Variants in SNX8 observed in about 807,000 individuals in gnomAD.
SNX8 encodes the protein sorting nexin-8.
In SNX8, 25 loss-of-function variants were observed where a neutral mutation model predicts 51.6. That is an observed-to-expected ratio of 0.48 (90% CI 0.35 to 0.68). SNX8 has a LOEUF of 0.68. Ranked by LOEUF, SNX8 falls within the 30% of genes least tolerant of loss-of-function variation. The pLI is 0.00. For synonymous variants in SNX8, 324 were observed against 277.0 expected, an observed-to-expected ratio of 1.17 and a Z score of -1.68; for missense variants, 695 against 624.0, an observed-to-expected ratio of 1.11 and a Z score of -1.21.
At chr7:2,280,849 A>C (rs887114795) in intron 1 of SNX8, among the ~76,000 whole-genome samples, 1 of 150,730 alleles carries the variant, frequency 6.6e-6, no homozygotes, top group African/African-American at 2.4e-5. Flanking sequence ...CTGGAGTGCA[A>C]TGGCACAATC....
At chr7:2,264,822 G>T (rs1293547609) in intron 5 of SNX8, among the ~76,000 whole-genome samples, 1 of 151,456 alleles carries the variant, frequency 6.6e-6, no homozygotes, top group Non-Finnish European at 1.5e-5. Flanking sequence ...ATCACCTCAG[G>T]TCAGGAGTTC....
At chr7:2,330,320 TA>T (rs1778707660) in intron 1 of SNX8, among the ~76,000 whole-genome samples, 2 of 151,372 alleles carry the variant, frequency 1.3e-5, no homozygotes, top group Non-Finnish European at 2.9e-5. Context: ...GTATTTTTAG[TA>T]GAGACAGGGT....
At chr7:2,269,863 A>C (rs1584682211) in intron 4 of SNX8, among the ~76,000 whole-genome samples, 1 of 152,312 alleles carries the variant, frequency 6.6e-6, no homozygotes, top group South Asian at 2.1e-4. Flanking sequence ...ACAAACCTGC[A>C]GCCTCTCTCC....
At position 2,314,376 on chromosome 7, in the gene SNX8, C is replaced by T. The variant is rs1796718772; in HGVS notation, c.46G>A (p.Ala16Thr). 4.1e-6 allele frequency: 5 copies of T among 1,223,112 alleles called. No homozygotes were observed. Among genetic ancestry groups the T allele is most frequent in the Non-Finnish European group, 5.1e-6 (5 of 981,984 alleles). 75.8% of individuals were successfully genotyped at this position (1,223,112 alleles called of 1,614,324 possible). Reference sequence around the variant, plus strand: ...TCGTCAGCCTCCGCCTCAGCTGCCGCCCCGACTGCAGCCGCGGGCAGCGGG... The same window carrying T: ...TCGTCAGCCTCCGCCTCAGCTGCCGTCCCGACTGCAGCCGCGGGCAGCGGG... ...MDPLPAAAVG[A>T]AAEAEADEEA... The change falls in exon 1 of 11, where the codon GCG (alanine) becomes ACG (threonine). Residue 16 changes from alanine to threonine, a missense_variant. Coordinates refer to ENST00000222990, the MANE Select transcript of SNX8 (RefSeq NM_013321.4).
At chr7:2,354,479 C>T (rs769511741), upstream of SNX8, among the ~76,000 whole-genome samples, 1 of 152,280 alleles carries the variant, frequency 6.6e-6, no homozygotes, top group Admixed American at 6.5e-5. Flanking sequence ...AGGACATTTT[C>T]CTAGCATTCC....
chr7:2,286,317 C>T, intron 1 of SNX8, among the ~76,000 whole-genome samples: 1 of 151,370 alleles, frequency 6.6e-6, no homozygotes, highest in East Asian at 2.0e-4. Flanking sequence ...CAGCCTAGGT[C>T]GTATACTTTA....
Position 2,264,427 on chromosome 7 carries a change from A to T in SNX8, c.653T>A (p.Phe218Tyr). The change falls in exon 6 of 11, where the codon TTT becomes TAT. Residue 218 changes from phenylalanine (F) to tyrosine (Y), a missense_variant. Coordinates refer to ENST00000222990, the MANE Select transcript of SNX8 (RefSeq NM_013321.4). ...CCGGATCAGCTCCCGGCTGATGGCA[A>T]ACTGAGCCTGGATGTCAGCTGGGAG... Reference protein sequence around the residue: ...DFLPADIQAQFAISRELIRNI... With the variant: ...DFLPADIQAQYAISRELIRNI... The T allele has an allele frequency of 6.2e-7, 1 of 1,612,102 alleles. No individual in the cohort carries two copies. Among genetic ancestry groups the T allele is most frequent in the Non-Finnish European group, 8.5e-7 (1 of 1,179,946 alleles).
intron 1 of SNX8, chr7:2,299,582 G>A (rs1377871504): frequency 3.3e-5 from 5 of 152,144 alleles, no homozygotes; most frequent in African/African-American, 1.2e-4. Context: ...CAAATTGGGG[G>A]AATCTTGGAA....
Position 2,255,121 on chromosome 7 carries a change from CAA to C in SNX8, c.1331_1332del (p.Phe444CysfsTer46). Reference protein sequence around the residue: ...NDLRPKLSCLFAGPHSTLTPP... With the variant: ...NDLRPKLSCLXAGPHSTLTPP... ...GGGGTCAGGGTGCTGTGTGGTCCCGCAAAGAGGCAGCTGAGCTTGGGCCTCAG... is the reference window on the plus strand; with the variant it reads ...GGGGTCAGGGTGCTGTGTGGTCCCGCAGAGGCAGCTGAGCTTGGGCCTCAG... On this transcript the variant is annotated frameshift_variant, in exon 11 of 11. Transcript: ENST00000222990. LOFTEE classifies it high-confidence loss of function. 2 of 1,579,688 alleles carry C rather than the reference CAA, an allele frequency of 1.3e-6. No homozygotes were observed. Among genetic ancestry groups the C allele is most frequent in the Non-Finnish European group, 1.7e-6 (2 of 1,163,018 alleles).
intron 1 of SNX8, among the ~76,000 whole-genome samples, chr7:2,282,030 C>G (rs905707761): frequency 3.3e-5 from 5 of 152,218 alleles, no homozygotes; most frequent in African/African-American, 1.2e-4. Context: ...ATGCCGCTCA[C>G]TATCTGTGAG....
chr7:2,286,984 C>T (rs1045780396), intron 1 of SNX8, among the ~76,000 whole-genome samples: 1 of 150,946 alleles, frequency 6.6e-6, no homozygotes, highest in Non-Finnish European at 1.5e-5. Flanking sequence ...ACTAAACATA[C>T]AAAAATTAGC....
At chr7:2,257,082 C>T (rs1162152192) in intron 9 of SNX8, 59 bp from the exon 10 acceptor site, 2 of 1,524,510 alleles carry the variant, frequency 1.3e-6, no homozygotes, top group Non-Finnish European at 1.8e-6. Flanking sequence ...AGCACCAAGG[C>T]CCGAACACCA....
chr7:2,255,606 G>T (rs1366921010), intron 10 of SNX8, among the ~76,000 whole-genome samples: 2 of 152,202 alleles, frequency 1.3e-5, no homozygotes, highest in Non-Finnish European at 2.9e-5. Flanking sequence ...GGATGTGGTG[G>T]CACCTGCCTG....
At chr7:2,352,120 C>A (rs1185473585) in intron 1 of SNX8, among the ~76,000 whole-genome samples, 1 of 151,908 alleles carries the variant, frequency 6.6e-6, no homozygotes, top group Non-Finnish European at 1.5e-5. Flanking sequence ...GTTGTTCAGG[C>A]TGGTCTCGAA....
Position 2,269,231 on chromosome 7 carries a change from C to A in SNX8, c.621+328G>T, listed in dbSNP as rs544226521. Among the ~76,000 whole-genome samples, 7 of 151,050 alleles carry A rather than the reference C, an allele frequency of 4.6e-5. No homozygotes were observed. In the South Asian group the frequency reaches 1.1e-3, roughly 23 times the overall value. On this transcript the variant is annotated intron_variant, in intron 5 of 10. Transcript: ENST00000222990. Reference sequence around the variant, plus strand: ...GATCCTGTTGATCTGTGACCTTACCCCCAACCCTGTGCTGTGTCCACTCAG... The same window carrying A: ...GATCCTGTTGATCTGTGACCTTACCACCAACCCTGTGCTGTGTCCACTCAG...
chr7:2,346,547 A>T (rs1779030563), intron 1 of SNX8, among the ~76,000 whole-genome samples: 1 of 151,810 alleles, frequency 6.6e-6, no homozygotes, highest in Non-Finnish European at 1.5e-5. Context: ...GGAGATCGAG[A>T]CCATCCTGGC....
intron 1 of SNX8, among the ~76,000 whole-genome samples, chr7:2,337,809 G>A (rs1778856468): frequency 7.5e-6 from 1 of 133,794 alleles, no homozygotes. Context: ...TAGCTAATTA[G>A]GAATATAAAG....
Position 2,257,406 on chromosome 7 carries a change from C to G in SNX8, c.1093G>C (p.Glu365Gln), listed in dbSNP as rs1355214011. 6.2e-7 allele frequency: 1 copy of G among 1,610,344 alleles called. No individual in the cohort carries two copies. Among genetic ancestry groups the G allele is most frequent in the Non-Finnish European group, 8.5e-7 (1 of 1,179,508 alleles). Residue 365 changes from glutamate (E) to glutamine (Q), a missense_variant, in exon 9 of 11, where the codon GAG becomes CAG. By Grantham distance (29) the Glu-to-Gln change is conservative (BLOSUM62 2). Transcript: ENST00000222990. ...TCCAGCTGCTCCACGGACTCCGGCTCGCGGTTCTGCGCGGTGGCGCTCATC... is the reference window on the plus strand; with the variant it reads ...TCCAGCTGCTCCACGGACTCCGGCTGGCGGTTCTGCGCGGTGGCGCTCATC... Reference protein sequence around the residue: ...QMMSATAQNREPESVEQLESR... With the variant: ...QMMSATAQNRQPESVEQLESR...
At chr7:2,274,804 C>G (rs991378004) in intron 3 of SNX8, among the ~76,000 whole-genome samples, 2 of 152,226 alleles carry the variant, frequency 1.3e-5, no homozygotes, top group Admixed American at 6.5e-5. Flanking sequence ...CTCGGGAGCC[C>G]TGGCCACTGC....
Sources: allele counts gnomAD v4.1 joint callset (sites outside exome capture counted in the v4.1 genomes callset), GRCh38; gene constraint gnomAD v4.1.1; transcripts MANE v1.5; gene names NCBI Gene and HGNC (gene_info 2026-07-23, HGNC 2026-07-21).